Variants in NEO1 observed in about 807,000 individuals in gnomAD.
NEO1 encodes the protein neogenin 1, also known as neogenin.
A neutral mutation model predicts 159.7 loss-of-function variants in NEO1; 63 were observed. That is an observed-to-expected ratio of 0.39 (90% confidence interval 0.32 to 0.49). The LOEUF is 0.49. Ranked by LOEUF, NEO1 falls within the 20% of genes least tolerant of loss-of-function variation. The pLI, the probability that NEO1 is intolerant of heterozygous loss-of-function variation, is 0.85. For synonymous variants in NEO1, 633 were observed against 662.0 expected, an observed-to-expected ratio of 0.96 and a Z score of 0.67; for missense variants, 1,615 against 1,831.0, an observed-to-expected ratio of 0.88 and a Z score of 2.15.
At chr15:73,263,081 A>G (rs746534002) in intron 15 of NEO1, among the ~76,000 whole-genome samples, 3 of 152,024 alleles carry the variant, frequency 2.0e-5, no homozygotes, top group African/African-American at 4.8e-5. Flanking sequence ...GAAATGTTCT[A>G]TATCTTGATT....
chr15:73,147,692 A>G (rs2033025067), intron 5 of NEO1, among the ~76,000 whole-genome samples: 1 of 152,074 alleles, frequency 6.6e-6, no homozygotes, highest in South Asian at 2.1e-4. Flanking sequence ...ATCTGTCTTG[A>G]TCTCAGAATT....
intron 7 of NEO1, among the ~76,000 whole-genome samples, chr15:73,194,039 T>TA (rs1211991325): frequency 2.6e-5 from 4 of 152,120 alleles, no homozygotes; most frequent in African/African-American, 9.7e-5. Flanking sequence ...AGTACAGGAA[T>TA]ATACATCTGG....
intron 1 of NEO1, among the ~76,000 whole-genome samples, chr15:73,055,162 G>A (rs915279679): frequency 6.6e-6 from 1 of 152,170 alleles, no homozygotes; most frequent in Non-Finnish European, 1.5e-5. Flanking sequence ...CTGAAAAAGG[G>A]CAGATTACTG....
chr15:73,256,015 G>A (rs768301886), intron 13 of NEO1: 5 of 152,132 alleles, frequency 3.3e-5, no homozygotes, highest in Non-Finnish European at 1.5e-5. Context: ...AGAACTATAA[G>A]AATGTGAGAT....
At chr15:73,147,389 C>T (rs530208027) in intron 5 of NEO1, among the ~76,000 whole-genome samples, 1 of 152,112 alleles carries the variant, frequency 6.6e-6, no homozygotes, top group Non-Finnish European at 1.5e-5. Flanking sequence ...TGCTTTTGTT[C>T]CATGCCACCA....
At chr15:73,147,123 C>T (rs1025050396) in intron 5 of NEO1, among the ~76,000 whole-genome samples, 2 of 152,162 alleles carry the variant, frequency 1.3e-5, no homozygotes, top group African/African-American at 4.8e-5. Context: ...ACTTGAACCT[C>T]ATTCTTCCTA....
chr15:73,125,139 T>C (rs897710924), intron 3 of NEO1, among the ~76,000 whole-genome samples: 5 of 152,156 alleles, frequency 3.3e-5, no homozygotes, highest in African/African-American at 4.8e-5. Flanking sequence ...GAAAACATAA[T>C]GTGGAATGTT....
intron 1 of NEO1, among the ~76,000 whole-genome samples, chr15:73,114,553 A>G (rs2071189915): frequency 6.6e-6 from 1 of 152,162 alleles, no homozygotes; most frequent in African/African-American, 2.4e-5. Context: ...AAACACATAT[A>G]CTTTTTTTCG....
At chr15:73,158,385 G>A (rs149447125) in intron 5 of NEO1, among the ~76,000 whole-genome samples, 2,771 of 151,814 alleles carry the variant, frequency 0.018, 42 homozygotes, top group Non-Finnish European at 0.03. Context: ...TTGTAGCCAG[G>A]TGTGTGTGTA....
intron 7 of NEO1, among the ~76,000 whole-genome samples, chr15:73,212,685 A>G (rs147197821): frequency 2.1e-3 from 324 of 152,348 alleles, no homozygotes; most frequent in African/African-American, 7.5e-3. Flanking sequence ...CATGGACCCA[A>G]AGATAACATG....
In NEO1 at chr15:73,220,689, G is replaced by A. The variant is rs141530837; in HGVS notation, c.1292-15658G>A. ...TCATTTCCTTCATTTCATCTTCATC[G>A]CTGATACCCTTTCTTCCAGTTGATT... On this transcript the variant is annotated intron_variant, in intron 7 of 28. Transcript: ENST00000261908. Among the ~76,000 whole-genome samples the A allele has an allele frequency of 1.2e-3, 187 of 151,798 alleles. 3 individuals carry two copies. In the East Asian group the frequency reaches 0.034, roughly 27 times the overall value.
chr15:73,146,029 C>A (rs1411700184), intron 5 of NEO1, among the ~76,000 whole-genome samples: 1 of 152,220 alleles, frequency 6.6e-6, no homozygotes, highest in African/African-American at 2.4e-5. Flanking sequence ...AATGTTCCTC[C>A]TTCCACTCCC....
chr15:73,266,342 C>G lies in NEO1; in HGVS notation c.2425C>G (p.Leu809Val), dbSNP rs1472981206. 1 of 1,613,100 alleles carries G rather than the reference C, an allele frequency of 6.2e-7. No homozygotes were observed. Among genetic ancestry groups the G allele is most frequent in the Non-Finnish European group, 8.5e-7 (1 of 1,179,518 alleles). Reference protein sequence around the residue: ...LDPSSHYVITLKAFNNVGEGI... With the variant: ...LDPSSHYVITVKAFNNVGEGI... ...TCCCAGCTCTCACTATGTGATTACC[C>G]TGAAAGCATTTAATAACGTGGGTGA... The change falls in exon 16 of 29, where the codon CTG becomes GTG. Residue 809 changes from leucine to valine, a missense_variant. Leu to Val is a conservative substitution (Grantham distance 32). Transcript: ENST00000261908.
intron 1 of NEO1, among the ~76,000 whole-genome samples, chr15:73,055,687 A>G (rs1241144507): frequency 6.6e-6 from 1 of 152,072 alleles, no homozygotes; most frequent in African/African-American, 2.4e-5. Flanking sequence ...ACTCTGTGTC[A>G]TTTTCCCTCG....
intron 1 of NEO1, among the ~76,000 whole-genome samples, chr15:73,081,345 G>A (rs755627999): frequency 1.3e-5 from 2 of 152,020 alleles, no homozygotes; most frequent in Non-Finnish European, 2.9e-5. Context: ...AGAAAATTAG[G>A]TACTCTGCAT....
At chr15:73,102,396 G>T (rs999822682) in intron 1 of NEO1, among the ~76,000 whole-genome samples, 1 of 152,004 alleles carries the variant, frequency 6.6e-6, no homozygotes, top group Admixed American at 6.6e-5. Context: ...GTTTAACAAG[G>T]TAATTAGAAT....
intron 5 of NEO1, among the ~76,000 whole-genome samples, chr15:73,149,098 C>T (rs906867186): frequency 1.3e-5 from 2 of 152,026 alleles, no homozygotes; most frequent in South Asian, 2.1e-4. Flanking sequence ...GAGTGGATCA[C>T]GAGGTCAAGA....
intron 18 of NEO1, among the ~76,000 whole-genome samples, chr15:73,271,430 G>A (rs1405538820): frequency 1.3e-5 from 2 of 152,110 alleles, no homozygotes. Context: ...TTTCCTACTA[G>A]TGTGTTAAAA....
At chr15:73,084,393 C>A (rs2069238709) in intron 1 of NEO1, among the ~76,000 whole-genome samples, 1 of 152,188 alleles carries the variant, frequency 6.6e-6, no homozygotes, top group Non-Finnish European at 1.5e-5. Flanking sequence ...TAAGTGACAT[C>A]ATGCAGTATT....
Sources: gnomAD v4.1 joint callset for allele counts (sites outside exome capture counted in the v4.1 genomes callset) on GRCh38, gnomAD v4.1.1 for gene constraint, MANE v1.5 for transcripts, NCBI Gene and HGNC (gene_info 2026-07-23, HGNC 2026-07-21) for gene names.